Variants in CNBD1 observed in about 807,000 individuals in gnomAD.
CNBD1 encodes the protein cyclic nucleotide-binding domain-containing protein 1.
CNBD1 carries 71 observed loss-of-function variants against 54.4 expected under a neutral mutation model. That is an observed-to-expected ratio of 1.30 (90% CI 1.08 to 1.59). The LOEUF (loss-of-function observed/expected upper bound fraction) is 1.59, where lower values mean the gene tolerates loss of function less well. CNBD1 is among the 40% of genes most tolerant of loss of function. The pLI, the probability that CNBD1 is intolerant of heterozygous loss-of-function variation, is 0.00. For synonymous variants in CNBD1, 182 were observed against 170.7 expected, an observed-to-expected ratio of 1.07 and a Z score of -0.51; for missense variants, 659 against 518.0, an observed-to-expected ratio of 1.27 and a Z score of -2.64.
chr8:87,370,578 G>T (rs1239681444), intron 10 of CNBD1, among the ~76,000 whole-genome samples: 1 of 151,872 alleles, frequency 6.6e-6, no homozygotes, highest in Admixed American at 6.6e-5. Context: ...GGGGTTGTTT[G>T]TTTTTTTCTT....
intron 6 of CNBD1, among the ~76,000 whole-genome samples, chr8:87,271,272 T>C (rs1808357802): frequency 6.6e-6 from 1 of 151,838 alleles, no homozygotes; most frequent in South Asian, 2.1e-4. Context: ...ATTTCATTTA[T>C]TTCTACTCTG....
chr8:87,256,001 ATATATATATATATATTTTT>A (rs1374906958), intron 6 of CNBD1, among the ~76,000 whole-genome samples: 12 of 16,516 alleles, frequency 7.3e-4, no homozygotes, highest in African/African-American at 3.2e-3. Flanking sequence ...ATATATATAT[ATATATATATATATATTTTT>A]TTTTTTTTTT....
At chr8:87,243,345 A>G (rs1365364846) in intron 6 of CNBD1, among the ~76,000 whole-genome samples, 2 of 152,218 alleles carry the variant, frequency 1.3e-5, no homozygotes, top group Non-Finnish European at 2.9e-5. Flanking sequence ...AATTAATTGT[A>G]AGTTCTGCAT....
rs376620273 is a variant in CNBD1 at position 87,197,924 on chromosome 8, G to T, written c.432-8069G>T. On this transcript the variant is annotated intron_variant, in intron 4 of 10. Transcript: ENST00000518476. ...TGACCTTTATCTGTGGGAGAAAATT[G>T]TAGGTATTGCTGTAGATCGGAGAGA... Among the ~76,000 whole-genome samples the T allele has an allele frequency of 9.9e-5, 15 of 152,284 alleles. No individual in the cohort carries two copies. The East Asian group carries it at 2.5e-3, about 26-fold the overall frequency.
intron 6 of CNBD1, among the ~76,000 whole-genome samples, chr8:87,243,665 A>G (rs765005556): frequency 6.6e-6 from 1 of 152,220 alleles, no homozygotes; most frequent in East Asian, 1.9e-4. Flanking sequence ...CAACACAACT[A>G]CTATAAAAAA....
At chr8:87,426,511 T>C (rs1387813151) in intron 2 of CNBD1, among the ~76,000 whole-genome samples, 3 of 152,232 alleles carry the variant, frequency 2.0e-5, no homozygotes, top group Non-Finnish European at 2.9e-5. Flanking sequence ...TGTGTTGTGC[T>C]TTATGTCAAT....
intron 2 of CNBD1, among the ~76,000 whole-genome samples, chr8:87,388,081 G>C (rs1811228688): frequency 6.6e-6 from 1 of 152,160 alleles, no homozygotes; most frequent in Non-Finnish European, 1.5e-5. Context: ...CAACACACCA[G>C]AATCTCTGGG....
chr8:87,021,421 GA>G (rs1384703823), intron 4 of CNBD1, among the ~76,000 whole-genome samples: 3 of 152,184 alleles, frequency 2.0e-5, no homozygotes, highest in African/African-American at 7.2e-5. Context: ...AAATGTGTAT[GA>G]ATAATAAGAT....
At chr8:87,295,044 C>A (rs1808855403) in intron 8 of CNBD1, among the ~76,000 whole-genome samples, 1 of 151,236 alleles carries the variant, frequency 6.6e-6, no homozygotes, top group South Asian at 2.1e-4. Flanking sequence ...CATAGTATAC[C>A]TTTTTGCTAG....
At chr8:87,040,173 A>C (rs983076321) in intron 4 of CNBD1, among the ~76,000 whole-genome samples, 2 of 152,206 alleles carry the variant, frequency 1.3e-5, no homozygotes, top group Non-Finnish European at 2.9e-5. Context: ...TCTAGTTCCC[A>C]GGAGGAAGGG....
chr8:87,037,520 T>C lies in CNBD1; in HGVS notation c.431+97766T>C, dbSNP rs60014404. ...AAATTGATTATATGATTTTTTCTTA[T>C]ATTTTCCAGTTTATCCTTTTTTGGT... On this transcript the variant is annotated intron_variant, in intron 4 of 10. Coordinates refer to ENST00000518476, the MANE Select transcript of CNBD1 (RefSeq NM_173538.3). Among the ~76,000 whole-genome samples the C allele has an allele frequency of 5.4e-3, 824 of 152,252 alleles. 11 individuals carry two copies. The highest frequency in any genetic ancestry group is 0.018 in the African/African-American group (767 of 41,574).
intron 3 of CNBD1, among the ~76,000 whole-genome samples, chr8:86,935,922 G>A (rs1269087457): frequency 1.3e-5 from 2 of 151,964 alleles, no homozygotes; most frequent in Non-Finnish European, 2.9e-5. Flanking sequence ...GGCAGGAGTG[G>A]ATCACTTTGA....
intron 4 of CNBD1, among the ~76,000 whole-genome samples, chr8:87,094,089 C>G (rs190299341): frequency 6.6e-6 from 1 of 152,292 alleles, no homozygotes; most frequent in Non-Finnish European, 1.5e-5. Context: ...CTCCTCACCC[C>G]TTAATTACAA....
At chr8:87,198,979 T>C (rs1024718163) in intron 4 of CNBD1, among the ~76,000 whole-genome samples, 10 of 152,178 alleles carry the variant, frequency 6.6e-5, no homozygotes, top group African/African-American at 2.4e-4. Flanking sequence ...GCAATAGGCA[T>C]GTCACAGGGT....
intron 2 of CNBD1, among the ~76,000 whole-genome samples, chr8:86,901,783 C>T (rs1808937462): frequency 6.6e-6 from 1 of 152,056 alleles, no homozygotes; most frequent in Non-Finnish European, 1.5e-5. Flanking sequence ...TCTTTTTTGG[C>T]ACATCCTTCT....
chr8:87,325,711 T>C (rs1809652814), intron 8 of CNBD1, among the ~76,000 whole-genome samples: 1 of 141,714 alleles, frequency 7.1e-6, no homozygotes, highest in Non-Finnish European at 1.5e-5. Flanking sequence ...GCATGTGAGA[T>C]GGGTTTCCTG....
intron 8 of CNBD1, among the ~76,000 whole-genome samples, chr8:87,328,417 A>AT (rs1190319488): frequency 6.7e-6 from 1 of 150,148 alleles, no homozygotes; most frequent in Non-Finnish European, 1.5e-5. Context: ...ATTATGTTTA[A>AT]TTTTTTTCAT....
intron 6 of CNBD1, among the ~76,000 whole-genome samples, chr8:87,270,173 A>G (rs912660864): frequency 1.2e-4 from 18 of 151,990 alleles, no homozygotes; most frequent in African/African-American, 4.3e-4. Context: ...TGATCATCTC[A>G]ATAGATGCAG....
chr8:87,125,383 T>C (rs1180982082), intron 4 of CNBD1, among the ~76,000 whole-genome samples: 1 of 151,784 alleles, frequency 6.6e-6, no homozygotes, highest in Non-Finnish European at 1.5e-5. Flanking sequence ...CAAACCATAT[T>C]ATAAAGAACT....
Sources: gnomAD v4.1 joint callset for allele counts (sites outside exome capture counted in the v4.1 genomes callset) on GRCh38, gnomAD v4.1.1 for gene constraint, MANE v1.5 for transcripts, NCBI Gene and HGNC (gene_info 2026-07-23, HGNC 2026-07-21) for gene names.